Variants in NAALADL2 observed in about 807,000 individuals in gnomAD.
NAALADL2 encodes the protein N-acetylated alpha-linked acidic dipeptidase like 2.
In NAALADL2, 76 loss-of-function variants were observed where a neutral mutation model predicts 87.2. The observed-to-expected ratio is 0.87, with a 90% CI of 0.72 to 1.05. The LOEUF (loss-of-function observed/expected upper bound fraction) is 1.05, where lower values mean the gene tolerates loss of function less well. Ranked by LOEUF, NAALADL2 falls within the 50% of genes least tolerant of loss-of-function variation. NAALADL2 has a pLI of 0.00. For missense variants in NAALADL2, 1,089 were observed against 945.8 expected (o/e 1.15, Z -1.99); for synonymous variants, 354 against 331.0 (o/e 1.07, Z -0.75).
intron 1 of NAALADL2, among the ~76,000 whole-genome samples, chr3:175,078,463 G>A (rs1192938500): frequency 2.0e-5 from 3 of 152,168 alleles, no homozygotes; most frequent in African/African-American, 7.2e-5. Context: ...CATATGAAGT[G>A]TGCAATTTGA....
rs1187386465 is a variant in NAALADL2, at chr3:174,900,157, T to C, written c.43+40707T>C. On this transcript the variant is annotated intron_variant, in intron 1 of 13. Coordinates refer to ENST00000454872, the MANE Select transcript of NAALADL2 (RefSeq NM_207015.3). ...TTACAAAGCACCAATAATTAAAATATTAGGTAATTGGCACAAGAATAGTGA... is the reference window on the plus strand; with the variant it reads ...TTACAAAGCACCAATAATTAAAATACTAGGTAATTGGCACAAGAATAGTGA... Among the ~76,000 whole-genome samples, 9 of 152,020 alleles carry C rather than the reference T, an allele frequency of 5.9e-5. No individual in the cohort carries two copies. The East Asian group carries it at 1.5e-3, about 26-fold the overall frequency.
At chr3:174,765,455 C>T (rs1371274746) in intron 3 of NAALADL2, among the ~76,000 whole-genome samples, 1 of 152,090 alleles carries the variant, frequency 6.6e-6, no homozygotes, top group Non-Finnish European at 1.5e-5. Context: ...CTATCCTTGT[C>T]TCCTTGCACT....
intron 5 of NAALADL2, among the ~76,000 whole-genome samples, chr3:175,375,636 T>A (rs770282860): frequency 5.9e-5 from 9 of 152,120 alleles, no homozygotes; most frequent in Non-Finnish European, 1.2e-4. Flanking sequence ...GCCTTTTCCA[T>A]CCTTTTAACC....
At chr3:175,700,070 T>A (rs1364012023) in intron 11 of NAALADL2, among the ~76,000 whole-genome samples, 2 of 152,148 alleles carry the variant, frequency 1.3e-5, no homozygotes, top group Non-Finnish European at 2.9e-5. Flanking sequence ...TTTACTTCCC[T>A]TATATTTGCA....
intron 1 of NAALADL2, chr3:174,536,680 C>A (rs1721755834): frequency 6.6e-6 from 1 of 152,068 alleles, no homozygotes; most frequent in Non-Finnish European, 1.5e-5. Context: ...TTATTCAACC[C>A]TAGGTAAGCC....
chr3:174,941,898 A>G (rs1456782951), intron 1 of NAALADL2, among the ~76,000 whole-genome samples: 1 of 151,718 alleles, frequency 6.6e-6, no homozygotes, highest in Non-Finnish European at 1.5e-5. Context: ...GGGTGTCATC[A>G]TGTGTGAGAT....
At chr3:175,404,216 T>C (rs774542779) in intron 5 of NAALADL2, among the ~76,000 whole-genome samples, 1 of 152,106 alleles carries the variant, frequency 6.6e-6, no homozygotes, top group Non-Finnish European at 1.5e-5. Context: ...GGAGCCAGAA[T>C]GCCTGGATTC....
chr3:175,446,415 T>C (rs145418910), intron 5 of NAALADL2, among the ~76,000 whole-genome samples: 4,290 of 152,204 alleles, frequency 0.028, 101 homozygotes, highest in South Asian at 0.039. Context: ...CTAATTTTTA[T>C]ACTTTTATTA....
At chr3:175,516,624 A>G (rs1731874477) in intron 9 of NAALADL2, among the ~76,000 whole-genome samples, 1 of 152,252 alleles carries the variant, frequency 6.6e-6, no homozygotes, top group Non-Finnish European at 1.5e-5. Context: ...AATGCCAGTT[A>G]GAAGAAAGAA....
chr3:174,701,212 A>G (rs954857274), intron 2 of NAALADL2, among the ~76,000 whole-genome samples: 11 of 151,022 alleles, frequency 7.3e-5, no homozygotes, highest in African/African-American at 2.4e-4. Context: ...ATATTTCAAA[A>G]TAGTATAAAA....
chr3:175,469,233 G>A (rs73043191), intron 8 of NAALADL2, among the ~76,000 whole-genome samples: 8,065 of 152,074 alleles, frequency 0.053, 674 homozygotes, highest in African/African-American at 0.18. Flanking sequence ...GATTGTTTCA[G>A]TGCAATTCAT....
intron 11 of NAALADL2, among the ~76,000 whole-genome samples, chr3:175,674,486 G>C (rs1734489622): frequency 6.6e-6 from 1 of 151,900 alleles, no homozygotes; most frequent in East Asian, 1.9e-4. Context: ...GGACGGTCTT[G>C]ATCTCCTGAC....
chr3:175,187,284 C>T (rs1462692089), intron 2 of NAALADL2, among the ~76,000 whole-genome samples: 2 of 152,138 alleles, frequency 1.3e-5, no homozygotes, highest in South Asian at 4.1e-4. Context: ...ATCATAGATA[C>T]AAGTGAGTTC....
intron 2 of NAALADL2, among the ~76,000 whole-genome samples, chr3:174,655,572 G>A (rs1207399077): frequency 2.0e-5 from 3 of 152,102 alleles, no homozygotes; most frequent in African/African-American, 7.2e-5. Flanking sequence ...TCAATAAATA[G>A]CAAATAATCA....
At chr3:174,875,932 A>T (rs1305792834) in intron 1 of NAALADL2, among the ~76,000 whole-genome samples, 1 of 152,120 alleles carries the variant, frequency 6.6e-6, no homozygotes, top group Non-Finnish European at 1.5e-5. Flanking sequence ...TTTAATTTTT[A>T]AAAATTTCCT....
At chr3:175,639,884 G>A (rs1236474003) in intron 11 of NAALADL2, among the ~76,000 whole-genome samples, 2 of 152,050 alleles carry the variant, frequency 1.3e-5, no homozygotes, top group Non-Finnish European at 2.9e-5. Flanking sequence ...GTAGAGTTTA[G>A]CAATCTTGGC....
chr3:175,114,000 T>C (rs1194186836), intron 2 of NAALADL2, among the ~76,000 whole-genome samples: 1 of 151,682 alleles, frequency 6.6e-6, no homozygotes, highest in Non-Finnish European at 1.5e-5. Flanking sequence ...AGTGTTACTT[T>C]GTCTCAAGTT....
At chr3:174,878,747 T>C (rs1332608193) in intron 1 of NAALADL2, among the ~76,000 whole-genome samples, 2 of 152,022 alleles carry the variant, frequency 1.3e-5, no homozygotes, top group Non-Finnish European at 2.9e-5. Context: ...CCTTCTGCTG[T>C]TCATTAAAGA....
chr3:175,474,907 C>A (rs191385796), intron 9 of NAALADL2, among the ~76,000 whole-genome samples: 34 of 152,018 alleles, frequency 2.2e-4, no homozygotes, highest in Admixed American at 1.2e-3. Flanking sequence ...CTTGCTCTGC[C>A]CCAAGTCCCC....
Sources: gnomAD v4.1 joint callset for allele counts (sites outside exome capture counted in the v4.1 genomes callset) on GRCh38, gnomAD v4.1.1 for gene constraint, MANE v1.5 for transcripts, NCBI Gene and HGNC (gene_info 2026-07-23, HGNC 2026-07-21) for gene names.